Variants in CD302 observed in about 807,000 individuals in gnomAD.
The protein encoded by CD302 is CD302 molecule.
A neutral mutation model predicts 26.5 loss-of-function variants in CD302; 23 were observed. That is an observed-to-expected ratio of 0.87 (90% CI 0.62 to 1.23). CD302 has a LOEUF of 1.23. Ranked by LOEUF, CD302 falls within the 50% of genes most tolerant of loss-of-function variation. The pLI is 0.00. For missense variants in CD302, 290 were observed against 275.5 expected (o/e 1.05, Z -0.37); for synonymous variants, 90 against 99.4 (o/e 0.91, Z 0.56).
At chr2:159,774,636 T>C (rs1233173392) in intron 5 of CD302, among the ~76,000 whole-genome samples, 1 of 152,200 alleles carries the variant, frequency 6.6e-6, no homozygotes, top group Non-Finnish European at 1.5e-5. Flanking sequence ...TAACCTGTCC[T>C]CTGTCTCCTG....
At chr2:159,786,927 G>A (rs781022816) in intron 1 of CD302, among the ~76,000 whole-genome samples, 5 of 152,008 alleles carry the variant, frequency 3.3e-5, no homozygotes, top group Non-Finnish European at 5.9e-5. Context: ...TAACACCATC[G>A]ATTAGTTTTG....
intron 1 of CD302, among the ~76,000 whole-genome samples, chr2:159,795,419 A>C (rs1440958534): frequency 2.0e-5 from 3 of 152,254 alleles, no homozygotes; most frequent in Non-Finnish European, 2.9e-5. Context: ...AATAAAGTGC[A>C]GAGACACAAA....
rs758507302 is a variant in CD302, at chr2:159,780,155, T to G, written c.319A>C (p.Asn107His). ...TDDASFKWFD[N>H]SNMTFDKWTD... ...CACTTATCAAATGTCATATTTGAAT[T>G]ATCAAACCACTTGAAACTCGCATCT... is the stretch of plus-strand genomic sequence containing the variant. The change falls in exon 4 of 6, where the codon AAT (asparagine) becomes CAT (histidine). Residue 107 changes from asparagine (N) to histidine (H), a missense_variant. Transcript: ENST00000259053. 45 of 1,613,614 alleles carry G rather than the reference T, an allele frequency of 2.8e-5. No individual in the cohort carries two copies. Among genetic ancestry groups the G allele is most frequent in the Non-Finnish European group, 3.6e-5 (42 of 1,179,882 alleles).
chr2:159,788,304 A>G (rs575994446), intron 1 of CD302, among the ~76,000 whole-genome samples: 15 of 152,154 alleles, frequency 9.9e-5, no homozygotes, highest in Non-Finnish European at 7.3e-5. Flanking sequence ...CATTATTTTT[A>G]CTGTGCTTTT....
intron 1 of CD302, among the ~76,000 whole-genome samples, chr2:159,783,979 T>C (rs1207323336): frequency 6.6e-6 from 1 of 152,230 alleles, no homozygotes; most frequent in Non-Finnish European, 1.5e-5. Flanking sequence ...GATGTTCTTA[T>C]GAATGTTCTT....
rs1708163886 is a variant in CD302 at position 159,772,064 on chromosome 2, AAAGAC to A, written c.497-16_497-12del. 6.2e-7 allele frequency: 1 copy of A among 1,613,396 alleles called. No homozygotes were observed. The highest frequency in any genetic ancestry group is 8.5e-7 in the Non-Finnish European group (1 of 1,179,590). On this transcript the variant is annotated splice_polypyrimidine_tract_variant and intron_variant, in intron 5 of 5. Coordinates refer to ENST00000259053, the MANE Select transcript of CD302 (RefSeq NM_014880.5). ...TTAAAATGTGGTTATCTGAAAAGGA[AAAGAC>A]AAAAGAGTATTTGGGAAATTAGGGT...
chr2:159,783,480 AAAAG>A lies in CD302; in HGVS notation c.68-15_68-12del, dbSNP rs1346369868. 8.9e-6 allele frequency: 14 copies of A among 1,573,206 alleles called. No individual in the cohort carries two copies. The highest frequency in any genetic ancestry group is 1.2e-5 in the Non-Finnish European group (14 of 1,162,906). On this transcript the variant is annotated splice_polypyrimidine_tract_variant and intron_variant, in intron 1 of 5. Transcript: ENST00000259053. ...TAGATGAAGGACAGTCTATGTAGAA[AAAAG>A]AAGAACACTGTTAAATAACTTGAGA...
intron 5 of CD302, among the ~76,000 whole-genome samples, chr2:159,773,069 G>A (rs901431126): frequency 3.9e-5 from 6 of 152,192 alleles, no homozygotes; most frequent in Admixed American, 6.5e-5. Flanking sequence ...GAGTTCAAAT[G>A]GGGTTCTTCC....
intron 1 of CD302, among the ~76,000 whole-genome samples, chr2:159,797,427 C>G (rs1682484006): frequency 6.6e-6 from 1 of 152,112 alleles, no homozygotes; most frequent in Non-Finnish European, 1.5e-5. Flanking sequence ...AAAATAAAGA[C>G]CACGGTCAAT....
At chr2:159,785,131 C>A (rs2125807005) in intron 1 of CD302, among the ~76,000 whole-genome samples, 1 of 152,012 alleles carries the variant, frequency 6.6e-6, no homozygotes, top group Admixed American at 6.5e-5. Flanking sequence ...CACAACACTA[C>A]ACCCGGCTAA....
At chr2:159,778,580 G>A (rs1478217237) in intron 4 of CD302, among the ~76,000 whole-genome samples, 4 of 152,180 alleles carry the variant, frequency 2.6e-5, no homozygotes, top group African/African-American at 9.7e-5. Flanking sequence ...AAATAAAGCA[G>A]GATGTGGAGT....
intron 1 of CD302, among the ~76,000 whole-genome samples, chr2:159,789,267 G>A (rs958076394): frequency 6.6e-6 from 1 of 151,986 alleles, no homozygotes; most frequent in Non-Finnish European, 1.5e-5. Context: ...CTCCCAAAGT[G>A]CTGGGATTAC....
chr2:159,773,784 T>G (rs948391164), intron 5 of CD302, among the ~76,000 whole-genome samples: 1 of 152,238 alleles, frequency 6.6e-6, no homozygotes, highest in South Asian at 2.1e-4. Context: ...AAATGTATTA[T>G]CTACCTCATT....
In CD302 at chr2:159,780,062, A is replaced by G; in HGVS notation, c.412T>C (p.Trp138Arg). ...GAAACTTCACAATTTCCTTTTTTCCATTCACCTGTCTTGATGTGCAGAAAA... is the reference window on the plus strand; with the variant it reads ...GAAACTTCACAATTTCCTTTTTTCCGTTCACCTGTCTTGATGTGCAGAAAA... ...CAFLHIKTGE[W>R]KKGNCEVSSV... The change falls in exon 4 of 6, where the codon TGG becomes CGG. Residue 138 changes from tryptophan (W) to arginine (R), a missense_variant. By Grantham distance (101) the Trp-to-Arg change is moderately radical. Transcript: ENST00000259053. 1 of 1,614,050 alleles carries G rather than the reference A, an allele frequency of 6.2e-7. No individual in the cohort carries two copies. The highest frequency in any genetic ancestry group is 8.5e-7 in the Non-Finnish European group (1 of 1,179,968).
At chr2:159,781,085 T>A in intron 2 of CD302, 87 bp from the exon 3 acceptor site, 2 of 1,002,520 alleles carry the variant, frequency 2.0e-6, no homozygotes, top group Non-Finnish European at 2.9e-6. Flanking sequence ...AATAGTTGCT[T>A]AACTTTCTAT....
chr2:159,789,545 C>CCCCCTTAG (rs1432068896), intron 1 of CD302, among the ~76,000 whole-genome samples: 1 of 122,850 alleles, frequency 8.1e-6, no homozygotes, highest in Non-Finnish European at 1.7e-5. Flanking sequence ...CACCCTCACA[C>CCCCCTTAG]CCCCTTAGGC....
intron 2 of CD302, among the ~76,000 whole-genome samples, chr2:159,783,153 A>G (rs1255541318): frequency 6.6e-6 from 1 of 152,218 alleles, no homozygotes; most frequent in African/African-American, 2.4e-5. Flanking sequence ...TTTGGACAAT[A>G]TTGTCCAACA....
chr2:159,771,858 A>G lies in CD302; in HGVS notation c.692T>C (p.Phe231Ser), dbSNP rs1176693643. 5.0e-6 allele frequency: 8 copies of G among 1,613,610 alleles called. No individual in the cohort carries two copies. Among genetic ancestry groups the G allele is most frequent in the Admixed American group, 3.3e-5 (2 of 60,000 alleles). Residue 231 changes from phenylalanine to serine, a missense_variant, in exon 6 of 6, where the codon TTT (phenylalanine) becomes TCT (serine). Transcript: ENST00000259053. Reference sequence around the variant, plus strand: ...TGCAAGATTACCAAAAACTTAGTCAAATTGAACAGGATATTCATTTTCTTC... The same window carrying G: ...TGCAAGATTACCAAAAACTTAGTCAGATTGAACAGGATATTCATTTTCTTC... ...VGEENEYPVQ[F>S]D
chr2:159,783,312 G>C, intron 2 of CD302, 47 bp downstream of exon 2: 2 of 1,448,756 alleles, frequency 1.4e-6, no homozygotes, highest in Non-Finnish European at 1.9e-6. Context: ...AATGAACACT[G>C]TTCACTAATT....
Sources: allele counts gnomAD v4.1 joint callset (sites outside exome capture counted in the v4.1 genomes callset), GRCh38; gene constraint gnomAD v4.1.1; transcripts MANE v1.5; gene names NCBI Gene and HGNC (gene_info 2026-07-23, HGNC 2026-07-21).